The following TTC34 variants were observed in gnomAD, a reference collection of about 807,000 sequenced individuals.
TTC34 encodes tetratricopeptide repeat protein 34.
A neutral mutation model predicts 40.7 loss-of-function variants in TTC34; 44 were observed. The observed-to-expected ratio is 1.08, with a 90% confidence interval of 0.85 to 1.39. The LOEUF is 1.39. Ranked by LOEUF, TTC34 falls within the 40% of genes most tolerant of loss-of-function variation. The pLI is 0.00. For synonymous variants in TTC34, 422 were observed against 398.6 expected (o/e 1.06, Z -0.70); for missense variants, 884 against 838.0 (o/e 1.05, Z -0.68).
chr1:2,755,810 A>G (rs1641486170), intron 6 of TTC34, among the ~76,000 whole-genome samples: 5 of 121,896 alleles, frequency 4.1e-5, no homozygotes, highest in South Asian at 3.1e-4. Flanking sequence ...GATGGTCTGG[A>G]GCAGCACCCA....
In TTC34 at chr1:2,700,175, C is replaced by G. The variant is rs374510719; in HGVS notation, c.2227-54612G>C. Among the ~76,000 whole-genome samples the G allele has an allele frequency of 4.3e-4, 43 of 100,888 alleles. 2 individuals carry two copies. The highest frequency in any genetic ancestry group is 1.2e-3 in the African/African-American group (39 of 33,338). The allele number at this position is 100,888 out of a possible 152,430, so 66.2% of individuals were successfully genotyped here. A position where few individuals can be genotyped will look rare whatever the true frequency, so the allele number is the denominator to read the frequency against. On this transcript the variant is annotated intron_variant, in intron 6 of 8. Transcript: ENST00000401095. ...CATCCTGGAGCATCACATACTCCCC[C>G]AGGTGAGCATCCGACAGCCTGGAGC...
intron 6 of TTC34, among the ~76,000 whole-genome samples, chr1:2,657,343 C>G (rs962808974): frequency 9.5e-6 from 1 of 105,124 alleles, no homozygotes; most frequent in Non-Finnish European, 2.4e-5. Flanking sequence ...ACCCATAGCC[C>G]AAGGTGAGCA....
At chr1:2,757,065 A>AG (rs1641531338) in intron 6 of TTC34, among the ~76,000 whole-genome samples, 1 of 118,890 alleles carries the variant, frequency 8.4e-6, no homozygotes, top group Admixed American at 8.5e-5. Flanking sequence ...CAGGACCCAC[A>AG]CCCCCAGGCG....
intron 6 of TTC34, among the ~76,000 whole-genome samples, chr1:2,657,660 CCCCCA>C (rs1366411282): frequency 4.4e-4 from 37 of 84,904 alleles, no homozygotes; most frequent in African/African-American, 1.3e-3. Context: ...AGCACCCACA[CCCCCA>C]GGAGAGCATC....
chr1:2,775,343 C>G (rs574172885), intron 6 of TTC34: 1 of 150,684 alleles, frequency 6.6e-6, no homozygotes, highest in Non-Finnish European at 1.5e-5. Flanking sequence ...TGGAACAGAA[C>G]CCCGCTCTTC....
intron 6 of TTC34, among the ~76,000 whole-genome samples, chr1:2,752,370 C>T (rs1237383920): frequency 2.4e-5 from 3 of 126,860 alleles, no homozygotes; most frequent in African/African-American, 3.3e-5. Flanking sequence ...AGCACCCACA[C>T]CCCCAGGCGA....
At chr1:2,691,152 T>C (rs777787766) in intron 6 of TTC34, among the ~76,000 whole-genome samples, 30 of 25,228 alleles carry the variant, frequency 1.2e-3, no homozygotes, top group Middle Eastern at 0.071. Context: ...GCCAGGGGAG[T>C]ATCTGACAGA....
intron 2 of TTC34, among the ~76,000 whole-genome samples, chr1:2,799,402 G>T (rs886650891): frequency 6.6e-6 from 1 of 152,172 alleles, no homozygotes; most frequent in Non-Finnish European, 1.5e-5. Context: ...AATTAGCCAG[G>T]CATGATGGTG....
At chr1:2,637,723 G>A (rs1396147645) in exon 9 of TTC34, 1 of 151,706 alleles carries the variant, frequency 6.6e-6, no homozygotes, top group Non-Finnish European at 1.5e-5. Context: ...ACACGTTCAG[G>A]TCTCTAAACT....
At chr1:2,647,057 C>T (rs1228984698) in intron 6 of TTC34, among the ~76,000 whole-genome samples, 1 of 152,048 alleles carries the variant, frequency 6.6e-6, no homozygotes, top group East Asian at 1.9e-4. Context: ...ATTTGTTCAC[C>T]CCTCTGGTTG....
intron 6 of TTC34, among the ~76,000 whole-genome samples, chr1:2,683,338 A>T (rs1056375590): frequency 6.8e-6 from 1 of 146,342 alleles, no homozygotes; most frequent in Non-Finnish European, 1.5e-5. Context: ...ACAGACTGGA[A>T]CACCACCCTG....
At chr1:2,783,006 C>T (rs1307126845) in intron 6 of TTC34, among the ~76,000 whole-genome samples, 1 of 152,216 alleles carries the variant, frequency 6.6e-6, no homozygotes, top group South Asian at 2.1e-4. Context: ...AGGCCTCCCC[C>T]AGCTGATTGG....
intron 4 of TTC34, 78 bp downstream of exon 4, chr1:2,787,403 G>T: frequency 7.5e-7 from 1 of 1,336,668 alleles, no homozygotes; most frequent in Non-Finnish European, 9.9e-7. Context: ...TCCAGCGCCA[G>T]GGCCACGGGA....
At chr1:2,793,736 C>T (rs747193344) in intron 2 of TTC34, among the ~76,000 whole-genome samples, 8 of 152,164 alleles carry the variant, frequency 5.3e-5, no homozygotes, top group Non-Finnish European at 8.8e-5. Flanking sequence ...AGTTTTAGAT[C>T]GACGTGGGTC....
In TTC34 at chr1:2,791,295, C is replaced by T. The variant is rs78526716; in HGVS notation, c.785-949G>A. ...GCTGGGCGGGCTTCAGGTCATGGCC[C>T]TTATTTTCACAGGTTACGAAGGTGC... On this transcript the variant is annotated intron_variant, in intron 2 of 8. Coordinates refer to ENST00000401095, the Ensembl canonical transcript of TTC34. Among the ~76,000 whole-genome samples, 6 of 152,308 alleles carry T rather than the reference C, an allele frequency of 3.9e-5. No homozygotes were observed. In the East Asian group the frequency reaches 1.2e-3, roughly 29 times the overall value.
At chr1:2,676,963 C>T (rs59386458) in intron 6 of TTC34, among the ~76,000 whole-genome samples, 1 of 116,668 alleles carries the variant, frequency 8.6e-6, no homozygotes, top group Non-Finnish European at 1.8e-5. Flanking sequence ...GAACAGCACC[C>T]TGCACCCCCA....
intron 6 of TTC34, among the ~76,000 whole-genome samples, chr1:2,652,087 C>A (rs1250405685): frequency 2.5e-5 from 3 of 122,362 alleles, no homozygotes; most frequent in Non-Finnish European, 5.1e-5. Flanking sequence ...CCCACACCCC[C>A]AGGTGAGCAT....
chr1:2,752,264 C>A lies in TTC34; in HGVS notation c.2226+31345G>T, dbSNP rs1246676651. 4.6e-5 allele frequency among the ~76,000 whole-genome samples: 5 copies of A among 108,704 alleles called. 1 individual carries two copies. The highest frequency in any genetic ancestry group is 8.8e-5 in the African/African-American group (2 of 22,814). The allele number at this position is 108,704 out of a possible 152,430, so 71.3% of individuals were successfully genotyped here. A position where few individuals can be genotyped will look rare whatever the true frequency, so the allele number is the denominator to read the frequency against. ...AGCTCCCAAATGCCCAGCTGAGCCT[C>A]TGACAGCCTGGAACAGCACCTTGCA... is the stretch of plus-strand genomic sequence containing the variant. On this transcript the variant is annotated intron_variant, in intron 6 of 8. Transcript: ENST00000401095.
intron 6 of TTC34, among the ~76,000 whole-genome samples, chr1:2,686,740 ACAGC>A (rs1640371546): frequency 6.9e-6 from 1 of 145,224 alleles, no homozygotes; most frequent in Admixed American, 6.9e-5. Flanking sequence ...CGAGCATCTG[ACAGC>A]CTGGAACGGC....
Sources: allele counts gnomAD v4.1 joint callset (sites outside exome capture counted in the v4.1 genomes callset), GRCh38; gene constraint gnomAD v4.1.1; transcripts MANE v1.5; gene names NCBI Gene and HGNC (gene_info 2026-07-23, HGNC 2026-07-21).